BTRC: variants seen among roughly 807,000 people sequenced by gnomAD.
The protein encoded by BTRC is beta-transducin repeat containing E3 ubiquitin protein ligase.
A neutral mutation model predicts 85.5 loss-of-function variants in BTRC; 42 were observed. The ratio of observed to expected loss-of-function variants is 0.49; its 90% CI spans 0.38 to 0.64. The LOEUF is 0.64. BTRC is among the 30% of genes least tolerant of loss of function. The pLI is 0.00. For missense variants in BTRC, 594 were observed against 743.5 expected (o/e 0.80, Z 2.34); for synonymous variants, 255 against 263.3 (o/e 0.97, Z 0.30).
chr10:101,552,251 C>T (rs1053004069), intron 14 of BTRC, among the ~76,000 whole-genome samples: 1 of 151,844 alleles, frequency 6.6e-6, no homozygotes, highest in Admixed American at 6.6e-5. Flanking sequence ...TGCAGTGGCA[C>T]AATGTCAGCT....
chr10:101,366,198 A>G (rs1564729188), intron 1 of BTRC, among the ~76,000 whole-genome samples: 2 of 152,176 alleles, frequency 1.3e-5, no homozygotes, highest in South Asian at 2.1e-4. Context: ...GCAATAAAGT[A>G]TAGGAAAAAA....
At chr10:101,529,970 G>C (rs1468533572) in intron 6 of BTRC, among the ~76,000 whole-genome samples, 1 of 152,210 alleles carries the variant, frequency 6.6e-6, no homozygotes, top group Non-Finnish European at 1.5e-5. Context: ...CCATAGTGGG[G>C]TTTACTAGCT....
At chr10:101,534,361 T>G (rs903180053) in intron 9 of BTRC, among the ~76,000 whole-genome samples, 5 of 152,196 alleles carry the variant, frequency 3.3e-5, no homozygotes, top group African/African-American at 1.2e-4. Context: ...ATCAGATTCC[T>G]CATTTAAAAT....
intron 4 of BTRC, among the ~76,000 whole-genome samples, chr10:101,505,084 G>A (rs1946485200): frequency 3.5e-5 from 2 of 57,352 alleles, no homozygotes; most frequent in African/African-American, 8.4e-5. Flanking sequence ...TGGGATTACA[G>A]GCGTGCACCA....
chr10:101,520,545 G>A (rs2062088915), intron 4 of BTRC, among the ~76,000 whole-genome samples: 1 of 152,156 alleles, frequency 6.6e-6, no homozygotes, highest in African/African-American at 2.4e-5. Flanking sequence ...TTTATGTTAT[G>A]GAAAAAGGTA....
chr10:101,408,538 C>G (rs953304445), intron 1 of BTRC, among the ~76,000 whole-genome samples: 1 of 152,122 alleles, frequency 6.6e-6, no homozygotes, highest in Admixed American at 6.5e-5. Context: ...AACTCATGGA[C>G]GCAAGCGATC....
At chr10:101,357,804 T>C (rs1015932194) in intron 1 of BTRC, among the ~76,000 whole-genome samples, 3 of 152,234 alleles carry the variant, frequency 2.0e-5, no homozygotes, top group Non-Finnish European at 4.4e-5. Flanking sequence ...ACTTAAAGCT[T>C]ATTGTTTTAC....
At chr10:101,545,614 G>T (rs1175171347) in intron 13 of BTRC, among the ~76,000 whole-genome samples, 1 of 152,134 alleles carries the variant, frequency 6.6e-6, no homozygotes, top group Non-Finnish European at 1.5e-5. Flanking sequence ...TGAAGATAAA[G>T]GGAGAAGATG....
chr10:101,434,297 T>A (rs1462911139), intron 2 of BTRC, among the ~76,000 whole-genome samples: 1 of 152,228 alleles, frequency 6.6e-6, no homozygotes, highest in Admixed American at 6.5e-5. Context: ...ATCTGAAGCC[T>A]TATCAATGAA....
intron 4 of BTRC, among the ~76,000 whole-genome samples, chr10:101,513,814 T>C (rs2061988007): frequency 6.6e-6 from 1 of 152,208 alleles, no homozygotes; most frequent in Non-Finnish European, 1.5e-5. Flanking sequence ...GCTGGGTTGT[T>C]TGGTAAGTAT....
At chr10:101,435,056 T>A (rs1176081220) in intron 2 of BTRC, among the ~76,000 whole-genome samples, 1 of 152,036 alleles carries the variant, frequency 6.6e-6, no homozygotes. Context: ...ATAATACTGG[T>A]TGACTAATAG....
chr10:101,520,388 A>G (rs1037147315), intron 4 of BTRC, among the ~76,000 whole-genome samples: 3 of 152,100 alleles, frequency 2.0e-5, no homozygotes, highest in Non-Finnish European at 4.4e-5. Context: ...CACTAAGAGT[A>G]TATGTTAGTG....
chr10:101,383,346 T>A (rs796972528), intron 1 of BTRC, among the ~76,000 whole-genome samples: 51 of 152,004 alleles, frequency 3.4e-4, no homozygotes, highest in African/African-American at 1.1e-3. Context: ...ATGCTGCTGG[T>A]TCTGGGACTA....
chr10:101,425,271 G>C (rs1174275670), intron 1 of BTRC, among the ~76,000 whole-genome samples: 1 of 152,014 alleles, frequency 6.6e-6, no homozygotes, highest in Non-Finnish European at 1.5e-5. Context: ...TTCTGATTCA[G>C]GTAGTAGAAA....
chr10:101,380,712 GT>G (rs1942907230), intron 1 of BTRC, among the ~76,000 whole-genome samples: 1 of 152,142 alleles, frequency 6.6e-6, no homozygotes, highest in African/African-American at 2.4e-5. Context: ...TATTGGCATA[GT>G]GGAAATTACA....
chr10:101,520,731 G>A (rs1422644649), intron 4 of BTRC, among the ~76,000 whole-genome samples: 1 of 152,168 alleles, frequency 6.6e-6, no homozygotes, highest in Non-Finnish European at 1.5e-5. Flanking sequence ...GCTGAAGTGG[G>A]CAGATCATTT....
At position 101,522,357 on chromosome 10, in the gene BTRC, AAAAAAAAAACAAAAAAAAAC is replaced by A. The variant is rs1329848393; in HGVS notation, c.556+497_556+516del. 2.4e-4 allele frequency among the ~76,000 whole-genome samples: 22 copies of A among 90,622 alleles called. 2 individuals are homozygous for A. Among genetic ancestry groups the A allele is most frequent in the African/African-American group, 5.0e-4 (12 of 24,082 alleles). 59.5% of individuals were successfully genotyped at this position (90,622 alleles called of 152,430 possible). The stretch of plus-strand genomic sequence containing the variant: ...GCCCAGCTGGTATAAAGCTTTAAAA[AAAAAAAAAACAAAAAAAAAC>A]AAAAAAAAAAAAACTCTAGAAATAA... On this transcript the variant is annotated intron_variant, in intron 5 of 14. Transcript: ENST00000370187.
chr10:101,536,843 T>C (rs2062394656), intron 12 of BTRC, among the ~76,000 whole-genome samples, 190 bp downstream of exon 12: 2 of 152,224 alleles, frequency 1.3e-5, no homozygotes, highest in South Asian at 2.1e-4. Context: ...ATTCTTCCCA[T>C]TCATTTTATT....
At chr10:101,416,286 A>G (rs529274376) in intron 1 of BTRC, among the ~76,000 whole-genome samples, 2 of 151,648 alleles carry the variant, frequency 1.3e-5, no homozygotes, top group East Asian at 3.9e-4. Flanking sequence ...TGTCTACTTT[A>G]TTGTTTGCCT....
Sources: gnomAD v4.1 joint callset for allele counts (sites outside exome capture counted in the v4.1 genomes callset) on GRCh38, gnomAD v4.1.1 for gene constraint, MANE v1.5 for transcripts, NCBI Gene and HGNC (gene_info 2026-07-23, HGNC 2026-07-21) for gene names.